The following PTGER4 variants were observed in gnomAD, a reference collection of about 807,000 sequenced individuals.
PTGER4 encodes prostaglandin E receptor 4.
Under a neutral mutation model 33.2 loss-of-function variants are expected in PTGER4, and 11 were observed. That is an observed-to-expected ratio of 0.33 (90% CI 0.21 to 0.55). The LOEUF (loss-of-function observed/expected upper bound fraction) is 0.55. Among genes scored for constraint, PTGER4 ranks in the 20% least tolerant of loss-of-function variants. The pLI, the probability that PTGER4 is intolerant of heterozygous loss-of-function variation, is 0.92. For missense variants in PTGER4, 481 were observed against 650.2 expected (o/e 0.74, Z 2.83); for synonymous variants, 275 against 281.5 (o/e 0.98, Z 0.23).
the PTGER4 span, among the ~76,000 whole-genome samples, chr5:40,739,118 A>G: frequency 2.0e-5 from 3 of 152,192 alleles, no homozygotes; most frequent in Non-Finnish European, 4.4e-5. Context: ...ATGTATGTCT[A>G]TCTTTACACT....
At chr5:40,740,610 G>A in the PTGER4 span, among the ~76,000 whole-genome samples, 5 of 152,094 alleles carry the variant, frequency 3.3e-5, no homozygotes, top group African/African-American at 4.8e-5. Flanking sequence ...GCTCATTCCC[G>A]AGGGGCATGG....
chr5:40,707,291 A>C, the PTGER4 span, among the ~76,000 whole-genome samples: 1 of 152,224 alleles, frequency 6.6e-6, no homozygotes, highest in Admixed American at 6.5e-5. Context: ...AACCCATTTC[A>C]CGTGCAGAGA....
In PTGER4 at chr5:40,681,024, T is replaced by G; in HGVS notation, c.31T>G (p.Ser11Ala). MSTPGVNSSA[S>A]LSPDRLNSPV... ...CACTCCCGGGGTCAATTCGTCCGCC[T>G]CCTTGAGCCCCGACCGGCTGAACAG... The change falls in exon 2 of 3, where the codon TCC (serine) becomes GCC (alanine). Residue 11 changes from serine (S) to alanine (A), a missense_variant. Ser to Ala is a moderately conservative substitution (Grantham distance 99). Transcript: ENST00000302472. The surrounding 1 kb of genome is among the most constrained non-coding windows in gnomAD (Gnocchi z 9.8). The G allele has an allele frequency of 6.2e-7, 1 of 1,613,702 alleles. No individual in the cohort carries two copies. The highest frequency in any genetic ancestry group is 1.1e-5 in the South Asian group (1 of 91,060).
At chr5:40,704,349 C>A in the PTGER4 span, among the ~76,000 whole-genome samples, 1 of 152,150 alleles carries the variant, frequency 6.6e-6, no homozygotes, top group Non-Finnish European at 1.5e-5. Context: ...ATAGTAAGAG[C>A]CATCTATGAC....
At chr5:40,723,742 G>A in the PTGER4 span, among the ~76,000 whole-genome samples, 1 of 152,106 alleles carries the variant, frequency 6.6e-6, no homozygotes, top group Non-Finnish European at 1.5e-5. Context: ...ATGGGCACCT[G>A]TAATCCCAGC....
downstream of PTGER4, among the ~76,000 whole-genome samples, chr5:40,695,666 C>T (rs1161425273): frequency 4.6e-5 from 7 of 152,154 alleles, no homozygotes; most frequent in East Asian, 1.2e-3. Flanking sequence ...GAGCCAAGAT[C>T]GGCCACTGAA....
chr5:40,730,100 G>T, the PTGER4 span, among the ~76,000 whole-genome samples: 1 of 152,168 alleles, frequency 6.6e-6, no homozygotes, highest in Non-Finnish European at 1.5e-5. Flanking sequence ...CCAGTTTTAT[G>T]CATAAGACAG....
At chr5:40,724,648 A>C in the PTGER4 span, among the ~76,000 whole-genome samples, 1 of 151,824 alleles carries the variant, frequency 6.6e-6, no homozygotes. Flanking sequence ...AACAAAAAAC[A>C]AACAAACAAA....
chr5:40,745,730 G>A, the PTGER4 span, among the ~76,000 whole-genome samples: 23 of 150,730 alleles, frequency 1.5e-4, no homozygotes, highest in Non-Finnish European at 2.5e-4. Flanking sequence ...CTAGATATAC[G>A]ATTTATTTAT....
At position 40,693,045 on chromosome 5, in the gene PTGER4, G is replaced by A. The variant is rs1741513010; in HGVS notation, c.*667G>A. On this transcript the variant is annotated 3_prime_UTR_variant, in exon 3 of 3. Transcript: ENST00000302472. ...ATAAATTTTTAAGAGAAAGAATTTA[G>A]TATTATCAAAGGGATAAAGAAAAAA... 1 of 904,042 alleles carries A rather than the reference G, an allele frequency of 1.1e-6. No individual in the cohort carries two copies. The highest frequency in any genetic ancestry group is 6.2e-5 in the Admixed American group (1 of 16,122). The allele number at this position is 904,042 out of a possible 1,614,324, so 56.0% of individuals were successfully genotyped here. A position where few individuals can be genotyped will look rare whatever the true frequency, so the allele number is the denominator to read the frequency against.
At chr5:40,729,321 ATT>A in the PTGER4 span, among the ~76,000 whole-genome samples, 3 of 152,224 alleles carry the variant, frequency 2.0e-5, no homozygotes, top group African/African-American at 7.2e-5. Context: ...TTTGAAAAAT[ATT>A]TGTTAGGTGT....
chr5:40,680,674 T>C lies in PTGER4; in HGVS notation c.-44+196T>C, dbSNP rs757114392. ...TACTTTTCCCTTGAGATGGGTCTTA[T>C]TCATCTTGGCAATGGAGTGAGTTGG... On this transcript the variant is annotated intron_variant, in intron 1 of 2. Coordinates refer to ENST00000302472, the MANE Select transcript of PTGER4 (RefSeq NM_000958.3). The surrounding 1 kb of genome is among the most constrained non-coding windows in gnomAD (Gnocchi z 5.5). Among the ~76,000 whole-genome samples the C allele has an allele frequency of 1.3e-5, 2 of 152,242 alleles. No individual in the cohort carries two copies. Among genetic ancestry groups the C allele is most frequent in the Non-Finnish European group, 2.9e-5 (2 of 68,048 alleles).
At chr5:40,732,175 A>G in the PTGER4 span, among the ~76,000 whole-genome samples, 1 of 152,042 alleles carries the variant, frequency 6.6e-6, no homozygotes, top group Admixed American at 6.6e-5. Flanking sequence ...ATGGCCAGCT[A>G]ATTTTTTTAT....
chr5:40,686,324 C>T (rs1292730854), intron 2 of PTGER4, among the ~76,000 whole-genome samples: 1 of 152,164 alleles, frequency 6.6e-6, no homozygotes, highest in African/African-American at 2.4e-5. Context: ...TTCAACATTC[C>T]CTGCAAACAA....
the PTGER4 span, among the ~76,000 whole-genome samples, chr5:40,723,406 C>T: frequency 7.6e-4 from 115 of 151,202 alleles, no homozygotes; most frequent in African/African-American, 2.3e-3. Flanking sequence ...TCCCCTTCTC[C>T]GAGAAACACC....
the PTGER4 span, among the ~76,000 whole-genome samples, chr5:40,717,890 G>A: frequency 4.0e-5 from 6 of 151,832 alleles, no homozygotes; most frequent in South Asian, 2.1e-4. Context: ...GTGAAAACCC[G>A]TCTCTACTAA....
At chr5:40,740,930 T>TC in the PTGER4 span, among the ~76,000 whole-genome samples, 1 of 152,236 alleles carries the variant, frequency 6.6e-6, no homozygotes, top group Non-Finnish European at 1.5e-5. Flanking sequence ...TTCTAGATGT[T>TC]CCTTTTTTTA....
the PTGER4 span, among the ~76,000 whole-genome samples, chr5:40,705,371 C>T: frequency 0.064 from 9,754 of 151,944 alleles, 562 homozygotes; most frequent in East Asian, 0.3. Flanking sequence ...CTATAAATAC[C>T]CTGGAAGACA....
At chr5:40,698,108 A>AAAAAAC (rs1561134936), downstream of PTGER4, among the ~76,000 whole-genome samples, 15 of 145,530 alleles carry the variant, frequency 1.0e-4, 1 homozygote, top group African/African-American at 3.0e-4. Flanking sequence ...AAAAAAAAAA[A>AAAAAAC]AAAAAAAAAA....
Sources: allele counts gnomAD v4.1 joint callset (sites outside exome capture counted in the v4.1 genomes callset), GRCh38; gene constraint gnomAD v4.1.1; non-coding constraint Gnocchi (gnomAD v3.1); transcripts MANE v1.5; gene names NCBI Gene and HGNC (gene_info 2026-07-23, HGNC 2026-07-21).